PTPN3: variants seen among roughly 807,000 people sequenced by gnomAD.
The protein encoded by PTPN3 is tyrosine-protein phosphatase non-receptor type 3.
Under a neutral mutation model 132.7 loss-of-function variants are expected in PTPN3, and 96 were observed. The observed-to-expected ratio is 0.72, with a 90% CI of 0.61 to 0.86. PTPN3 has a LOEUF of 0.86. PTPN3 is among the 40% of genes least tolerant of loss of function. The pLI is 0.00. For missense variants in PTPN3, 1,125 were observed against 1,159.6 expected (o/e 0.97, Z 0.43); for synonymous variants, 398 against 429.0 (o/e 0.93, Z 0.89).
chr9:109,408,361 T>G lies in PTPN3; in HGVS notation c.1595A>C (p.Lys532Thr), dbSNP rs1219170613. 1.1e-5 allele frequency: 18 copies of G among 1,589,892 alleles called. No homozygotes were observed. Among genetic ancestry groups the G allele is most frequent in the Non-Finnish European group, 1.5e-5 (18 of 1,164,856 alleles). Residue 532 changes from lysine (K) to threonine (T), a missense_variant, in exon 17 of 26, where the codon AAG becomes ACG. Lys to Thr is a moderately conservative substitution (Grantham distance 78). Coordinates refer to ENST00000374541, the MANE Select transcript of PTPN3 (RefSeq NM_002829.4). ...GFNLKGGVDQ[K>T]MPLVVSRINP... ...TATCCTTGATACCACAAGAGGCATC[T>G]TTTGATCCACTCCTCCCTGTAAACA...
chr9:109,506,716 C>T, the PTPN3 span, among the ~76,000 whole-genome samples: 3 of 152,052 alleles, frequency 2.0e-5, no homozygotes, highest in Non-Finnish European at 4.4e-5. Context: ...AATCCTCCCA[C>T]CCCAGCCTTC....
chr9:109,417,824 A>G (rs1221885305), intron 14 of PTPN3: 1 of 970,028 alleles, frequency 1.0e-6, no homozygotes, highest in Non-Finnish European at 1.2e-6. Flanking sequence ...AACCACTGTT[A>G]TTTGCTATTC....
chr9:109,412,206 C>G (rs984991564), intron 14 of PTPN3, among the ~76,000 whole-genome samples: 2 of 151,918 alleles, frequency 1.3e-5, no homozygotes, highest in African/African-American at 4.8e-5. Context: ...TGCACCCCCC[C>G]AATCCATTTT....
At chr9:109,497,978 G>A (rs1164681203) in intron 1 of PTPN3, among the ~76,000 whole-genome samples, 2 of 144,788 alleles carry the variant, frequency 1.4e-5, no homozygotes, top group South Asian at 2.1e-4. Context: ...CCCCGGCCGA[G>A]CCCCACCCGG....
chr9:109,527,789 A>T, the PTPN3 span, among the ~76,000 whole-genome samples: 4,887 of 152,332 alleles, frequency 0.032, 134 homozygotes, highest in Non-Finnish European at 0.046. Context: ...AATAACTTCC[A>T]TTCATCAAAA....
chr9:109,413,955 C>A (rs1337663271), intron 14 of PTPN3, among the ~76,000 whole-genome samples: 2 of 152,162 alleles, frequency 1.3e-5, no homozygotes, highest in Non-Finnish European at 2.9e-5. Flanking sequence ...AGGCAAAGTC[C>A]TGCTCTCAAA....
At chr9:109,475,120 AG>A (rs982757304) in intron 1 of PTPN3, among the ~76,000 whole-genome samples, 5 of 152,164 alleles carry the variant, frequency 3.3e-5, no homozygotes, top group African/African-American at 1.2e-4. Flanking sequence ...GCCCTGTAAG[AG>A]AGTGAGCTCC....
chr9:109,475,718 C>T (rs1273761927), intron 1 of PTPN3, among the ~76,000 whole-genome samples: 1 of 152,212 alleles, frequency 6.6e-6, no homozygotes, highest in Admixed American at 6.5e-5. Flanking sequence ...CACCCCTTTA[C>T]AGCCAAAAGC....
chr9:109,475,830 G>A (rs772343221), intron 1 of PTPN3, among the ~76,000 whole-genome samples: 20 of 152,266 alleles, frequency 1.3e-4, no homozygotes, highest in Non-Finnish European at 2.4e-4. Context: ...TCTCACAACC[G>A]GACCATCCTG....
intron 1 of PTPN3, among the ~76,000 whole-genome samples, chr9:109,485,207 TA>T (rs1050815560): frequency 2.2e-4 from 33 of 149,604 alleles, no homozygotes; most frequent in African/African-American, 6.7e-4. Context: ...GACTCTGTCT[TA>T]AAAAAAAATA....
the PTPN3 span, among the ~76,000 whole-genome samples, chr9:109,516,650 T>C: frequency 1.3e-5 from 2 of 152,070 alleles, no homozygotes; most frequent in African/African-American, 4.8e-5. Context: ...CTGGGGAGCA[T>C]TGAAGATTGT....
intron 5 of PTPN3, chr9:109,450,795 G>A (rs949707261): frequency 3.0e-6 from 3 of 985,332 alleles, no homozygotes; most frequent in Admixed American, 6.1e-5. Flanking sequence ...GAAATGTAAT[G>A]ACCTCTCTTG....
intron 4 of PTPN3, among the ~76,000 whole-genome samples, 153 bp from the exon 5 acceptor site, chr9:109,454,727 G>T (rs1845473263): frequency 6.6e-6 from 1 of 152,176 alleles, no homozygotes; most frequent in Non-Finnish European, 1.5e-5. Flanking sequence ...ACATAAGTTA[G>T]TTGTTTCAGA....
chr9:109,386,529 G>A (rs1308998775), intron 22 of PTPN3, among the ~76,000 whole-genome samples: 1 of 152,162 alleles, frequency 6.6e-6, no homozygotes, highest in Non-Finnish European at 1.5e-5. Context: ...AGACACAGGC[G>A]GCTCACACAG....
rs763936455 is a variant in PTPN3, at chr9:109,389,340, C to T, written c.2146G>A (p.Ala716Thr). The T allele has an allele frequency of 8.1e-6, 13 of 1,613,882 alleles. No homozygotes were observed. The highest frequency in any genetic ancestry group is 4.5e-5 in the East Asian group (2 of 44,890). Residue 716 changes from alanine (A) to threonine (T), a missense_variant, in exon 22 of 26, where the codon GCC (alanine) becomes ACC (threonine). Transcript: ENST00000374541. ...PAANLVNKYIATQGPLPHTCA... is the reference protein window; with the variant it reads ...PAANLVNKYITTQGPLPHTCA... ...GTATGCGGCAGGGGCCCCTGAGTGG[C>T]GATGTACTTGTTCACAAGGTTAGCA... is the stretch of plus-strand genomic sequence containing the variant.
At chr9:109,415,522 T>C (rs1346200012) in intron 14 of PTPN3, among the ~76,000 whole-genome samples, 1 of 152,132 alleles carries the variant, frequency 6.6e-6, no homozygotes, top group African/African-American at 2.4e-5. Context: ...GTGACATTCT[T>C]GGATGTGTAT....
intron 5 of PTPN3, among the ~76,000 whole-genome samples, chr9:109,452,452 C>T (rs900594716): frequency 2.6e-5 from 4 of 151,886 alleles, no homozygotes; most frequent in Admixed American, 6.6e-5. Flanking sequence ...ACCACACACA[C>T]GTACACATGT....
chr9:109,510,885 G>C, the PTPN3 span, among the ~76,000 whole-genome samples: 2 of 151,628 alleles, frequency 1.3e-5, no homozygotes, highest in South Asian at 4.2e-4. Context: ...GTGCTAAAAG[G>C]TTTTTCTAGA....
chr9:109,433,302 GC>G, intron 9 of PTPN3, 141 bp from the exon 10 acceptor site: 1 of 1,345,902 alleles, frequency 7.4e-7, no homozygotes, highest in Non-Finnish European at 9.7e-7. Context: ...CAGGCAAAAA[GC>G]CCCACTTAAC....
Sources: gnomAD v4.1 joint callset for allele counts (sites outside exome capture counted in the v4.1 genomes callset) on GRCh38, gnomAD v4.1.1 for gene constraint, MANE v1.5 for transcripts, NCBI Gene and HGNC (gene_info 2026-07-23, HGNC 2026-07-21) for gene names.